Variants in BAIAP2 observed in about 807,000 individuals in gnomAD.
BAIAP2 encodes the protein BAR/IMD domain containing adaptor protein 2, also known as BAR/IMD domain-containing adapter protein 2.
A neutral mutation model predicts 63.0 loss-of-function variants in BAIAP2; 18 were observed. The ratio of observed to expected loss-of-function variants is 0.29; its 90% CI spans 0.20 to 0.42. The LOEUF (loss-of-function observed/expected upper bound fraction) is 0.42, where lower values mean the gene tolerates loss of function less well. Among genes scored for constraint, BAIAP2 ranks in the 10% least tolerant of loss-of-function variants. The pLI is 1.00. For missense variants in BAIAP2, 610 were observed against 734.3 expected (o/e 0.83, Z 1.96); for synonymous variants, 386 against 307.6 (o/e 1.25, Z -2.67).
chr17:81,061,914 A>G (rs2050619314), intron 3 of BAIAP2, among the ~76,000 whole-genome samples: 1 of 152,106 alleles, frequency 6.6e-6, no homozygotes, highest in South Asian at 2.1e-4. Flanking sequence ...ATTTGCTTTC[A>G]GTCTGGTGGG....
At chr17:81,104,412 G>C in intron 9 of BAIAP2, 102 bp from the exon 10 acceptor site, 1 of 1,302,040 alleles carries the variant, frequency 7.7e-7, no homozygotes, top group Admixed American at 2.2e-5. Context: ...TTACCCACCT[G>C]GGGCACAGGC....
At chr17:81,107,983 G>A (rs912218847) in intron 12 of BAIAP2, 2 of 168,522 alleles carry the variant, frequency 1.2e-5, no homozygotes, top group African/African-American at 2.4e-5. Flanking sequence ...ACACCTGGGC[G>A]CTCCTCCCAG....
chr17:81,091,220 C>T (rs1277617581), intron 6 of BAIAP2, among the ~76,000 whole-genome samples: 1 of 139,046 alleles, frequency 7.2e-6, no homozygotes, highest in Non-Finnish European at 1.6e-5. Flanking sequence ...CACAGGCCTC[C>T]TAGCTGTCCC....
At chr17:81,066,651 G>C (rs1021105788) in intron 3 of BAIAP2, among the ~76,000 whole-genome samples, 1 of 152,250 alleles carries the variant, frequency 6.6e-6, no homozygotes, top group Admixed American at 6.5e-5. Flanking sequence ...CCTTGGTCAT[G>C]TGAACCCCAA....
intron 1 of BAIAP2, among the ~76,000 whole-genome samples, chr17:81,038,932 G>A (rs1408391978): frequency 6.6e-6 from 1 of 152,232 alleles, no homozygotes; most frequent in Non-Finnish European, 1.5e-5. Context: ...ACCTGAGGAG[G>A]AGAGAAATCA....
intron 1 of BAIAP2, among the ~76,000 whole-genome samples, chr17:81,043,646 C>T (rs1451876964): frequency 6.6e-6 from 1 of 152,232 alleles, no homozygotes; most frequent in Non-Finnish European, 1.5e-5. Flanking sequence ...CTGTGCACAC[C>T]GGACACTGCG....
chr17:81,109,964 G>A (rs1008493331), intron 13 of BAIAP2: 10 of 985,440 alleles, frequency 1.0e-5, no homozygotes, highest in East Asian at 1.1e-4. Context: ...GGAAACAGGC[G>A]GTTCCTGCCC....
At chr17:81,089,578 T>TCTCAGGTGGGGGATA in intron 6 of BAIAP2, among the ~76,000 whole-genome samples, 1 of 152,204 alleles carries the variant, frequency 6.6e-6, no homozygotes, top group South Asian at 2.1e-4. Context: ...AGCACCTGTT[T>TCTCAGGTGGGGGATA]CCCAACGGCT....
At chr17:81,059,743 G>A (rs553707982) in intron 3 of BAIAP2, among the ~76,000 whole-genome samples, 9 of 152,334 alleles carry the variant, frequency 5.9e-5, no homozygotes, top group South Asian at 2.1e-4. Context: ...GAGCCACCAC[G>A]CCTGGCTGAA....
intron 13 of BAIAP2, chr17:81,109,833 A>T (rs759397915): frequency 1.0e-6 from 1 of 985,410 alleles, no homozygotes; most frequent in Non-Finnish European, 1.2e-6. Flanking sequence ...TCCTTTGACC[A>T]GCCTTGTGAG....
At chr17:81,096,957 GAGGAGAAGA>G (rs1453592791) in intron 6 of BAIAP2, among the ~76,000 whole-genome samples, 2 of 151,830 alleles carry the variant, frequency 1.3e-5, no homozygotes, top group African/African-American at 2.4e-5. Flanking sequence ...GAAAGTAGAG[GAGGAGAAGA>G]AGGAGAAAGG....
At position 81,103,712 on chromosome 17, in the gene BAIAP2, C is replaced by A. The variant is rs759347952; in HGVS notation, c.853C>A (p.Pro285Thr). Residue 285 changes from proline to threonine, a missense_variant, in exon 8 of 14, where the codon CCG becomes ACG. This residue lies in a region of BAIAP2 where 389 missense variants were observed against 455.6 expected (regional missense o/e 0.85). Transcript: ENST00000428708. ...CCTGCCGGTGCCCCCCGAGCTGGCA[C>A]CGTTCGTGGGGGTGAGTCTGTGGCC... is the stretch of plus-strand genomic sequence containing the variant. ...KPLPVPPELAPFVGRMSAQES... is the reference protein window; with the variant it reads ...KPLPVPPELATFVGRMSAQES... The A allele has an allele frequency of 6.3e-7, 1 of 1,593,896 alleles. No individual in the cohort carries two copies. Among genetic ancestry groups the A allele is most frequent in the Admixed American group, 1.7e-5 (1 of 58,028 alleles).
chr17:81,106,932 G>T (rs774807658), intron 12 of BAIAP2, 25 bp downstream of exon 12: 2 of 1,483,400 alleles, frequency 1.3e-6, no homozygotes, highest in African/African-American at 1.4e-5. Context: ...CCGGGGCTGG[G>T]AGGGGCCCGC....
At chr17:81,060,625 A>T (rs1410477939) in intron 3 of BAIAP2, among the ~76,000 whole-genome samples, 1 of 152,090 alleles carries the variant, frequency 6.6e-6, no homozygotes, top group Admixed American at 6.5e-5. Flanking sequence ...GCCTGTTTTC[A>T]TCTCTCCTGG....
In BAIAP2 at chr17:81,074,457, A is replaced by AGTGT; in HGVS notation, c.218-10369_218-10366dup. On this transcript the variant is annotated intron_variant, in intron 3 of 13. Transcript: ENST00000428708. ...GTATGCACAAATACATGTGAGTGCC[A>AGTGT]GTGTGTGTGCATGCACGGATACATG... Among the ~76,000 whole-genome samples, 2 of 143,404 alleles carry AGTGT rather than the reference A, an allele frequency of 1.4e-5. 1 individual carries two copies. The allele number at this position is 143,404 out of a possible 152,430, so 94.1% of individuals were successfully genotyped here. A position where few individuals can be genotyped will look rare whatever the true frequency, so the allele number is the denominator to read the frequency against.
intron 12 of BAIAP2, chr17:81,108,118 C>T: frequency 2.8e-6 from 1 of 359,836 alleles, no homozygotes; most frequent in Non-Finnish European, 5.1e-6. Flanking sequence ...CCCGCCCAGG[C>T]ATGGGTGAGG....
chr17:81,062,393 C>G (rs1431352182), intron 3 of BAIAP2, among the ~76,000 whole-genome samples: 1 of 151,562 alleles, frequency 6.6e-6, no homozygotes, highest in Non-Finnish European at 1.5e-5. Context: ...TATTATGACG[C>G]CTTTGCTTTT....
At chr17:81,101,974 G>A (rs2058551639) in intron 7 of BAIAP2, among the ~76,000 whole-genome samples, 1 of 152,222 alleles carries the variant, frequency 6.6e-6, no homozygotes, top group South Asian at 2.1e-4. Flanking sequence ...GCCAGGGAGT[G>A]AGAGCGGGGC....
intron 1 of BAIAP2, among the ~76,000 whole-genome samples, chr17:81,037,906 G>GT (rs1568051956): frequency 6.6e-6 from 1 of 152,258 alleles, no homozygotes; most frequent in African/African-American, 2.4e-5. Flanking sequence ...GTAAGAATCC[G>GT]TAACGCAGAC....
Sources: allele counts gnomAD v4.1 joint callset (sites outside exome capture counted in the v4.1 genomes callset), GRCh38; gene constraint gnomAD v4.1.1; regional missense constraint gnomAD v4.1.1; transcripts MANE v1.5; gene names NCBI Gene and HGNC (gene_info 2026-07-23, HGNC 2026-07-21).